The following ABCC9 variants were observed in gnomAD, a reference collection of about 807,000 sequenced individuals.
ABCC9 encodes ATP binding cassette subfamily C member 9, also known as ATP-binding cassette sub-family C member 9.
ABCC9 carries 95 observed loss-of-function variants against 188.3 expected under a neutral mutation model. That is an observed-to-expected ratio of 0.50 (90% confidence interval 0.43 to 0.60). ABCC9 has a LOEUF of 0.60. ABCC9 is among the 20% of genes least tolerant of loss of function. ABCC9 has a pLI of 0.00. For missense variants in ABCC9, 1,102 were observed against 1,876.3 expected (o/e 0.59, Z 7.62); for synonymous variants, 659 against 652.7 (o/e 1.01, Z -0.15).
intron 20 of ABCC9, 86 bp downstream of exon 20, chr12:21,862,867 G>T: frequency 1.1e-6 from 1 of 881,544 alleles, no homozygotes; most frequent in Non-Finnish European, 1.9e-6. Flanking sequence ...CAGATGTAAA[G>T]GTTCCAGAAA....
chr12:21,871,974 A>T (rs2137576919), intron 18 of ABCC9, among the ~76,000 whole-genome samples: 1 of 152,334 alleles, frequency 6.6e-6, no homozygotes, highest in African/African-American at 2.4e-5. Flanking sequence ...TTAACCAATT[A>T]TGTAACATAT....
chr12:21,905,907 G>A (rs1592201483), intron 12 of ABCC9, among the ~76,000 whole-genome samples: 1 of 152,048 alleles, frequency 6.6e-6, no homozygotes, highest in Admixed American at 6.6e-5. Flanking sequence ...TCAAATTCAG[G>A]TCTACTTGAC....
chr12:21,848,100 G>A (rs766551258), intron 25 of ABCC9, 50 bp downstream of exon 25: 6 of 1,537,590 alleles, frequency 3.9e-6, no homozygotes, highest in South Asian at 1.1e-5. Flanking sequence ...AAAAACCCTC[G>A]CATCCTGTTA....
At position 21,894,017 on chromosome 12, in the gene ABCC9, C is replaced by T; in HGVS notation, c.1802+15G>A. 6.2e-7 allele frequency: 1 copy of T among 1,613,672 alleles called. No individual in the cohort carries two copies. The highest frequency in any genetic ancestry group is 8.5e-7 in the Non-Finnish European group (1 of 1,179,876). ...TTATCAATAAGCAAAAAATGCCAGA[C>T]ACTTCAGTGCATACCTTATGATGGC... On this transcript the variant is annotated intron_variant, in intron 14 of 39. Coordinates refer to ENST00000261200, the MANE Select transcript of ABCC9 (RefSeq NM_020297.4).
intron 24 of ABCC9, among the ~76,000 whole-genome samples, 170 bp from the exon 25 acceptor site, chr12:21,848,416 C>T (rs964339924): frequency 1.3e-5 from 2 of 152,096 alleles, no homozygotes; most frequent in African/African-American, 4.8e-5. Context: ...GGGGGCAGAA[C>T]CTTAGACTTG....
At chr12:21,887,064 A>G (rs1946911610) in intron 15 of ABCC9, among the ~76,000 whole-genome samples, 1 of 152,114 alleles carries the variant, frequency 6.6e-6, no homozygotes, top group African/African-American at 2.4e-5. Flanking sequence ...GAATTCTGTG[A>G]CAGGAAGGAT....
At chr12:21,858,224 A>C (rs1945327611) in intron 22 of ABCC9, among the ~76,000 whole-genome samples, 1 of 152,014 alleles carries the variant, frequency 6.6e-6, no homozygotes, top group Admixed American at 6.6e-5. Context: ...TTCAGTCAGT[A>C]ATTGATCCCA....
At chr12:21,899,308 T>A (rs1947592805) in intron 12 of ABCC9, among the ~76,000 whole-genome samples, 1 of 152,120 alleles carries the variant, frequency 6.6e-6, no homozygotes, top group African/African-American at 2.4e-5. Flanking sequence ...ACATCACACA[T>A]AAGAATGCTA....
At position 21,863,063 on chromosome 12, in the gene ABCC9, T is replaced by C; in HGVS notation, c.2238-9A>G. 1 of 1,563,366 alleles carries C rather than the reference T, an allele frequency of 6.4e-7. No homozygotes were observed. The highest frequency in any genetic ancestry group is 8.7e-7 in the Non-Finnish European group (1 of 1,149,544). On this transcript the variant is annotated splice_polypyrimidine_tract_variant and intron_variant, in intron 19 of 39. Coordinates refer to ENST00000261200, the MANE Select transcript of ABCC9 (RefSeq NM_020297.4). Reference sequence around the variant, plus strand: ...CAGAGTACCTGTTCCTACTGAAAAATGAAAAAGAAAAAAAAAAACACCAGG... The same window carrying C: ...CAGAGTACCTGTTCCTACTGAAAAACGAAAAAGAAAAAAAAAAACACCAGG...
chr12:21,919,481 T>C (rs1329336329), intron 5 of ABCC9, among the ~76,000 whole-genome samples: 1 of 151,842 alleles, frequency 6.6e-6, no homozygotes, highest in Non-Finnish European at 1.5e-5. Flanking sequence ...TAAAAAGAAG[T>C]AGATACTCTG....
In ABCC9 at chr12:21,933,759, A is replaced by G. The variant is rs1366113210; in HGVS notation, c.284+23T>C. On this transcript the variant is annotated intron_variant, in intron 4 of 39. Transcript: ENST00000261200. ...ATACCCACTGGTATACTGCAGTGGTATTATTTAACTTAGATCACTTACGAG... is the reference window on the plus strand; with the variant it reads ...ATACCCACTGGTATACTGCAGTGGTGTTATTTAACTTAGATCACTTACGAG... 8.1e-6 allele frequency: 13 copies of G among 1,612,588 alleles called. No homozygotes were observed. In the East Asian group the frequency reaches 2.9e-4, roughly 36 times the overall value.
At chr12:21,900,919 G>T (rs11046227) in intron 12 of ABCC9, among the ~76,000 whole-genome samples, 52,846 of 151,914 alleles carry the variant, frequency 0.35, 9,565 homozygotes, top group Admixed American at 0.39. Context: ...ACCTAGCAAG[G>T]CAGGCCAACA....
intron 15 of ABCC9, among the ~76,000 whole-genome samples, chr12:21,883,250 T>A (rs912183506): frequency 3.9e-5 from 6 of 152,190 alleles, no homozygotes; most frequent in African/African-American, 1.4e-4. Flanking sequence ...CTAGAATCCA[T>A]CTGTTAGGCT....
intron 19 of ABCC9, among the ~76,000 whole-genome samples, chr12:21,863,928 G>C (rs576990146): frequency 6.6e-6 from 1 of 152,064 alleles, no homozygotes; most frequent in Non-Finnish European, 1.5e-5. Flanking sequence ...ATACTATATA[G>C]TATGCTAGCA....
chr12:21,839,589 G>A (rs1944273098), intron 29 of ABCC9, among the ~76,000 whole-genome samples: 4 of 152,204 alleles, frequency 2.6e-5, no homozygotes, highest in Admixed American at 2.0e-4. Flanking sequence ...AGAATTTATA[G>A]AAGATAGGCT....
At position 21,884,998 on chromosome 12, in the gene ABCC9, G is replaced by C. The variant is rs532052040; in HGVS notation, c.1912-2125C>G. Among the ~76,000 whole-genome samples the C allele has an allele frequency of 5.3e-5, 8 of 152,208 alleles. No homozygotes were observed. In the South Asian group the frequency reaches 8.3e-4, roughly 16 times the overall value. The stretch of plus-strand genomic sequence containing the variant: ...ATTCTGTAACATTATTGCCCCCACA[G>C]GTCCAAAAGAAATGACTTCATGCCC... On this transcript the variant is annotated intron_variant, in intron 15 of 39. Transcript: ENST00000261200.
At chr12:21,932,194 A>G (rs2138049137) in intron 4 of ABCC9, among the ~76,000 whole-genome samples, 1 of 151,994 alleles carries the variant, frequency 6.6e-6, no homozygotes, top group East Asian at 2.0e-4. Flanking sequence ...AAATATTTTC[A>G]CCAGATTATG....
intron 31 of ABCC9, among the ~76,000 whole-genome samples, chr12:21,822,785 C>T (rs1410272195): frequency 7.2e-5 from 9 of 125,636 alleles, no homozygotes; most frequent in Admixed American, 4.0e-4. Context: ...AGTGAGACTC[C>T]GTCTCAAAAA....
intron 22 of ABCC9, among the ~76,000 whole-genome samples, chr12:21,852,778 A>G (rs1945034635): frequency 6.6e-6 from 1 of 152,134 alleles, no homozygotes; most frequent in South Asian, 2.1e-4. Flanking sequence ...AAGAAAATAA[A>G]ATAAAAAAGG....
Sources: allele counts gnomAD v4.1 joint callset (sites outside exome capture counted in the v4.1 genomes callset), GRCh38; gene constraint gnomAD v4.1.1; transcripts MANE v1.5; gene names NCBI Gene and HGNC (gene_info 2026-07-23, HGNC 2026-07-21).